MAN1A1: variants seen among roughly 807,000 people sequenced by gnomAD.
MAN1A1 encodes mannosyl-oligosaccharide 1,2-alpha-mannosidase IA.
Under a neutral mutation model 70.8 loss-of-function variants are expected in MAN1A1, and 29 were observed. That is an observed-to-expected ratio of 0.41 (90% CI 0.31 to 0.56). The LOEUF is 0.56. Ranked by LOEUF, MAN1A1 falls within the 20% of genes least tolerant of loss-of-function variation. MAN1A1 has a pLI of 0.29. For missense variants in MAN1A1, 747 were observed against 841.3 expected (o/e 0.89, Z 1.39); for synonymous variants, 349 against 330.1 (o/e 1.06, Z -0.62).
chr6:119,189,554 A>G, intron 10 of MAN1A1, 110 bp downstream of exon 10: 1 of 930,084 alleles, frequency 1.1e-6, no homozygotes, highest in Non-Finnish European at 1.7e-6. Context: ...AATCACGATC[A>G]TCAAGCTTCA....
chr6:119,312,677 G>A (rs147376382), intron 2 of MAN1A1, among the ~76,000 whole-genome samples: 24 of 152,296 alleles, frequency 1.6e-4, no homozygotes, highest in African/African-American at 5.5e-4. Flanking sequence ...GCAGGTCACA[G>A]TGGATAAGCC....
intron 6 of MAN1A1, among the ~76,000 whole-genome samples, chr6:119,215,056 G>A (rs943888703): frequency 5.9e-5 from 9 of 151,784 alleles, no homozygotes; most frequent in African/African-American, 2.2e-4. Flanking sequence ...TTGTGGGGTG[G>A]GGGGAAGGGG....
chr6:119,187,502 T>C (rs1036888238), intron 11 of MAN1A1, among the ~76,000 whole-genome samples: 1 of 152,214 alleles, frequency 6.6e-6, no homozygotes, highest in African/African-American at 2.4e-5. Context: ...ACATATTAAA[T>C]GAAGAGGATA....
At chr6:119,231,804 T>C (rs143714425) in intron 6 of MAN1A1, among the ~76,000 whole-genome samples, 44 of 152,258 alleles carry the variant, frequency 2.9e-4, no homozygotes, top group African/African-American at 1.0e-3. Context: ...AAAGATGGCA[T>C]AAAGGAAGGA....
intron 2 of MAN1A1, among the ~76,000 whole-genome samples, chr6:119,329,364 A>G (rs195064): frequency 0.94 from 143,520 of 152,236 alleles, 67,768 homozygotes; most frequent in East Asian, 1. Flanking sequence ...GAGGAATAGC[A>G]GTCTTGGTTC....
At chr6:119,284,549 T>TA (rs1562225360) in intron 5 of MAN1A1, among the ~76,000 whole-genome samples, 2 of 152,214 alleles carry the variant, frequency 1.3e-5, no homozygotes, top group Non-Finnish European at 2.9e-5. Flanking sequence ...TTATTTTTGT[T>TA]ACGTCTTTTT....
intron 5 of MAN1A1, among the ~76,000 whole-genome samples, chr6:119,288,991 A>T (rs1288058698): frequency 1.3e-5 from 2 of 151,732 alleles, no homozygotes; most frequent in African/African-American, 4.8e-5. Flanking sequence ...ATACAGAATT[A>T]AAAAATATCC....
At chr6:119,271,689 A>T (rs923150770) in intron 5 of MAN1A1, among the ~76,000 whole-genome samples, 3 of 151,984 alleles carry the variant, frequency 2.0e-5, no homozygotes, top group Admixed American at 6.6e-5. Flanking sequence ...TTTTTAGTAG[A>T]GACAGGGTCT....
At chr6:119,287,235 T>C (rs1186316262) in intron 5 of MAN1A1, among the ~76,000 whole-genome samples, 1 of 152,132 alleles carries the variant, frequency 6.6e-6, no homozygotes, top group African/African-American at 2.4e-5. Flanking sequence ...AGAGATCCCC[T>C]ATGCCAACTT....
chr6:119,301,038 G>A (rs1448809730), intron 4 of MAN1A1, among the ~76,000 whole-genome samples: 1 of 152,176 alleles, frequency 6.6e-6, no homozygotes, highest in Non-Finnish European at 1.5e-5. Context: ...ACAAAGCAGA[G>A]GCAACAGCAG....
chr6:119,321,238 T>C (rs567057524), intron 2 of MAN1A1, among the ~76,000 whole-genome samples: 1 of 152,360 alleles, frequency 6.6e-6, no homozygotes, highest in African/African-American at 2.4e-5. Flanking sequence ...CACACTGTTT[T>C]CTTTTCAATG....
intron 6 of MAN1A1, among the ~76,000 whole-genome samples, chr6:119,220,603 C>G (rs1390130614): frequency 6.6e-6 from 1 of 152,110 alleles, no homozygotes; most frequent in African/African-American, 2.4e-5. Context: ...ACAACAACCT[C>G]GTAGATGGTA....
chr6:119,306,813 T>C (rs1340759374), intron 3 of MAN1A1, 83 bp downstream of exon 3: 2 of 992,242 alleles, frequency 2.0e-6, no homozygotes, highest in Admixed American at 1.9e-5. Flanking sequence ...AGGGCCATGT[T>C]ACACAGACTT....
intron 2 of MAN1A1, chr6:119,327,466 T>C (rs1014618686): frequency 2.1e-5 from 3 of 143,896 alleles, no homozygotes; most frequent in Non-Finnish European, 4.5e-5. Context: ...CTTGGCTCAC[T>C]GCAATCTCCA....
chr6:119,210,579 T>C (rs986004547), intron 6 of MAN1A1, among the ~76,000 whole-genome samples: 1 of 152,230 alleles, frequency 6.6e-6, no homozygotes, highest in Non-Finnish European at 1.5e-5. Context: ...CAAGGATATA[T>C]TCCGATTTAT....
At chr6:119,253,050 C>G (rs1033900222) in intron 5 of MAN1A1, among the ~76,000 whole-genome samples, 1 of 151,960 alleles carries the variant, frequency 6.6e-6, no homozygotes, top group Non-Finnish European at 1.5e-5. Flanking sequence ...AAAAAAAAAT[C>G]GTCGTTTTGA....
Position 119,179,716 on chromosome 6 carries a change from C to T in MAN1A1, c.*103G>A, listed in dbSNP as rs1178413493. The T allele has an allele frequency of 5.5e-6, 6 of 1,082,814 alleles. No homozygotes were observed. The Admixed American group carries it at 6.3e-5, about 11-fold the overall frequency. The allele number at this position is 1,082,814 out of a possible 1,614,324, so 67.1% of individuals were successfully genotyped here. A position where few individuals can be genotyped will look rare whatever the true frequency, so the allele number is the denominator to read the frequency against. On this transcript the variant is annotated 3_prime_UTR_variant, in exon 13 of 13. Coordinates refer to ENST00000368468, the MANE Select transcript of MAN1A1 (RefSeq NM_005907.4). ...GCAAAACAATTTAAGAACTTAATCA[C>T]AGACCTACTAATCAAAGTTCATCAT...
intron 6 of MAN1A1, among the ~76,000 whole-genome samples, chr6:119,233,626 A>G (rs1261459625): frequency 6.6e-6 from 1 of 152,240 alleles, no homozygotes; most frequent in Non-Finnish European, 1.5e-5. Context: ...ACAGGGTACA[A>G]GAGGAAACTA....
chr6:119,311,839 C>T (rs112151629), intron 2 of MAN1A1, among the ~76,000 whole-genome samples: 3 of 152,242 alleles, frequency 2.0e-5, no homozygotes, highest in African/African-American at 7.2e-5. Flanking sequence ...TCTATCTTAT[C>T]AATGGCCAAC....
Sources: gnomAD v4.1 joint callset for allele counts (sites outside exome capture counted in the v4.1 genomes callset) on GRCh38, gnomAD v4.1.1 for gene constraint, MANE v1.5 for transcripts, NCBI Gene and HGNC (gene_info 2026-07-23, HGNC 2026-07-21) for gene names.